The following COG4 variants were observed in gnomAD, a reference collection of about 807,000 sequenced individuals.
COG4 encodes the protein component of oligomeric golgi complex 4.
COG4 carries 65 observed loss-of-function variants against 95.1 expected under a neutral mutation model. The ratio of observed to expected loss-of-function variants is 0.68; its 90% CI spans 0.56 to 0.84. COG4 has a LOEUF of 0.84. Among genes scored for constraint, COG4 ranks in the 40% least tolerant of loss-of-function variants. The probability of loss-of-function intolerance (pLI) is 0.00; values close to 1 mark genes in which losing one functional copy is unlikely to be tolerated. For synonymous variants in COG4, 421 were observed against 374.8 expected (o/e 1.12, Z -1.42); for missense variants, 1,045 against 989.1 (o/e 1.06, Z -0.76).
chr16:70,491,520 CA>C (rs72213284), intron 12 of COG4, among the ~76,000 whole-genome samples: 2 of 54,840 alleles, frequency 3.6e-5, no homozygotes, highest in Non-Finnish European at 5.8e-5. Flanking sequence ...GACTCTGTCT[CA>C]AAAAAAAAAA....
At chr16:70,519,550 C>G in intron 2 of COG4, 99 bp downstream of exon 2, 1 of 808,812 alleles carries the variant, frequency 1.2e-6, no homozygotes, top group Non-Finnish European at 2.1e-6. Context: ...ACATTTCAAG[C>G]TGAACTGGTG....
intron 3 of COG4, chr16:70,516,160 T>C (rs894476014): frequency 4.8e-6 from 2 of 413,860 alleles, no homozygotes; most frequent in Admixed American, 2.8e-5. Flanking sequence ...GCAAAAGTAA[T>C]TGCGGTCTTG....
intron 10 of COG4, 65 bp from the exon 11 acceptor site, chr16:70,497,452 G>C: frequency 1.3e-6 from 2 of 1,501,752 alleles, no homozygotes. Context: ...AGATGATTCT[G>C]GGTACACTGG....
chr16:70,518,980 A>G (rs1418417652), intron 2 of COG4, among the ~76,000 whole-genome samples: 1 of 150,902 alleles, frequency 6.6e-6, no homozygotes, highest in Non-Finnish European at 1.5e-5. Flanking sequence ...TCCATCTCAA[A>G]AAAAAAAAAA....
chr16:70,503,352 AC>A (rs1356197742), intron 8 of COG4, among the ~76,000 whole-genome samples: 1 of 152,056 alleles, frequency 6.6e-6, no homozygotes, highest in Non-Finnish European at 1.5e-5. Flanking sequence ...TTGGCACCTG[AC>A]CCCAAGACAT....
At position 70,496,370 on chromosome 16, in the gene COG4, G is replaced by A. The variant is rs371160353; in HGVS notation, c.1543C>T (p.Arg515Cys). The A allele has an allele frequency of 5.0e-6, 8 of 1,614,022 alleles. No individual in the cohort carries two copies. Among genetic ancestry groups the A allele is most frequent in the Non-Finnish European group, 5.9e-6 (7 of 1,180,020 alleles). ...FPATTFQDIQ[R>C]GVTSAVNIMH... ...ATGTTCACGGCACTTGTCACCCCGC[G>A]CTGGATGTCCTGGAAGGTGGTGGCA... is the stretch of plus-strand genomic sequence containing the variant. Residue 515 changes from arginine to cysteine, a missense_variant, in exon 12 of 19, where the codon CGC becomes TGC. Transcript: ENST00000323786.
rs1346392045 is a variant in COG4 at position 70,481,065 on chromosome 16, A to G, written c.2315T>C (p.Val772Ala). The stretch of plus-strand genomic sequence containing the variant: ...GCGGAAGTCTATCCGCAGGGCCAGC[A>G]CCTGGCGCACTTCAGCAGGGGTGAG... Reference protein sequence around the residue: ...WRLTPAEVRQVLALRIDFRSE... With the variant: ...WRLTPAEVRQALALRIDFRSE... The change falls in exon 19 of 19, where the codon GTG becomes GCG. Residue 772 changes from valine (V) to alanine (A), a missense_variant. Coordinates refer to ENST00000323786, the MANE Select transcript of COG4 (RefSeq NM_015386.3). 4.3e-6 allele frequency: 7 copies of G among 1,613,210 alleles called. No individual in the cohort carries two copies. In the Admixed American group the frequency reaches 1.2e-4, roughly 27 times the overall value.
rs867874524 is a variant in COG4 at position 70,523,497 on chromosome 16, C to G, written c.47G>C (p.Gly16Ala). The change falls in exon 1 of 19, where the codon GGG becomes GCG. Residue 16 changes from glycine (G) to alanine (A), a missense_variant. Transcript: ENST00000323786. ...ADLDSPPKLS[G>A]VQQPSEGVGG... ...CACCCCCTCAGACGGCTGCTGCACC[C>G]CTGACAGCTTCGGAGGCGAATCAAG... The G allele has an allele frequency of 6.8e-6, 11 of 1,614,008 alleles. No individual in the cohort carries two copies. The Middle Eastern group carries it at 4.9e-4, about 72-fold the overall frequency.
intron 12 of COG4, among the ~76,000 whole-genome samples, chr16:70,493,730 C>T (rs1477119234): frequency 6.6e-6 from 1 of 152,006 alleles, no homozygotes; most frequent in East Asian, 1.9e-4. Context: ...AGCCCTGTGA[C>T]CTGTGGACAG....
intron 1 of COG4, chr16:70,523,096 G>A (rs1254282227): frequency 5.9e-6 from 3 of 507,814 alleles, no homozygotes; most frequent in Admixed American, 3.3e-5. Flanking sequence ...CTTTACTCCC[G>A]TGGAGAAACT....
intron 8 of COG4, among the ~76,000 whole-genome samples, chr16:70,504,734 A>T (rs1597676375): frequency 6.6e-6 from 1 of 151,448 alleles, no homozygotes; most frequent in East Asian, 1.9e-4. Flanking sequence ...AGATGGTGAA[A>T]CCCCATCTCT....
At chr16:70,517,776 A>G (rs1274630017) in intron 2 of COG4, 36 bp from the exon 3 acceptor site, 8 of 1,424,140 alleles carry the variant, frequency 5.6e-6, no homozygotes, top group Non-Finnish European at 7.9e-6. Flanking sequence ...ACATAACGAT[A>G]GGGCAGAGAA....
intron 15 of COG4, 163 bp downstream of exon 15, chr16:70,482,566 C>A: frequency 1.4e-6 from 1 of 697,986 alleles, no homozygotes; most frequent in Non-Finnish European, 2.6e-6. Context: ...TGACTAGGGA[C>A]AAACTGTTTC....
chr16:70,507,524 T>C (rs148416030), intron 8 of COG4, among the ~76,000 whole-genome samples: 89 of 152,244 alleles, frequency 5.8e-4, no homozygotes, highest in Non-Finnish European at 1.1e-3. Context: ...CCCTACGATG[T>C]TGACACAATG....
intron 17 of COG4, 125 bp from the exon 18 acceptor site, chr16:70,481,612 C>G (rs1331895282): frequency 6.7e-6 from 10 of 1,487,468 alleles, no homozygotes; most frequent in African/African-American, 1.4e-5. Context: ...TTTGTTTGCT[C>G]TACGGCTTCA....
intron 8 of COG4, chr16:70,501,337 G>C (rs2049445070): frequency 1.9e-6 from 1 of 531,366 alleles, no homozygotes; most frequent in East Asian, 3.3e-5. Context: ...ATAAAAGGTT[G>C]GGAGATGTGT....
chr16:70,504,975 T>A (rs1329445503), intron 8 of COG4, among the ~76,000 whole-genome samples: 1 of 151,678 alleles, frequency 6.6e-6, no homozygotes, highest in Non-Finnish European at 1.5e-5. Context: ...TTGGATTAAA[T>A]GATTTAATAT....
chr16:70,483,766 TTCCTTGCA>T (rs1381146823), intron 14 of COG4, 79 bp downstream of exon 14: 1 of 1,069,666 alleles, frequency 9.3e-7, no homozygotes, highest in African/African-American at 1.6e-5. Context: ...TCCTCCTGGC[TTCCTTGCA>T]CACGATGAGC....
chr16:70,499,093 A>C (rs929887713), intron 9 of COG4, among the ~76,000 whole-genome samples: 3 of 152,200 alleles, frequency 2.0e-5, no homozygotes, highest in Admixed American at 1.3e-4. Context: ...AATATTCCGT[A>C]TCTGTTATCT....
Sources: gnomAD v4.1 joint callset for allele counts (sites outside exome capture counted in the v4.1 genomes callset) on GRCh38, gnomAD v4.1.1 for gene constraint, MANE v1.5 for transcripts, NCBI Gene and HGNC (gene_info 2026-07-23, HGNC 2026-07-21) for gene names.